Variants in CDH12 observed in about 807,000 individuals in gnomAD.
The protein encoded by CDH12 is cadherin 12.
CDH12 carries 41 observed loss-of-function variants against 74.1 expected under a neutral mutation model. The ratio of observed to expected loss-of-function variants is 0.55; its 90% CI spans 0.43 to 0.72. The LOEUF is 0.72. Among genes scored for constraint, CDH12 ranks in the 30% least tolerant of loss-of-function variants. The pLI, the probability that CDH12 is intolerant of heterozygous loss-of-function variation, is 0.00. For missense variants in CDH12, 945 were observed against 977.2 expected, an observed-to-expected ratio of 0.97 and a Z score of 0.44; for synonymous variants, 399 against 355.0, an observed-to-expected ratio of 1.12 and a Z score of -1.39.
At chr5:22,370,473 A>C (rs746873279) in intron 3 of CDH12, among the ~76,000 whole-genome samples, 6 of 152,200 alleles carry the variant, frequency 3.9e-5, no homozygotes, top group Non-Finnish European at 5.9e-5. Flanking sequence ...TATTTAAATC[A>C]TGTATATATT....
chr5:22,371,530 C>A (rs1164674764), intron 3 of CDH12, among the ~76,000 whole-genome samples: 1 of 152,078 alleles, frequency 6.6e-6, no homozygotes, highest in Non-Finnish European at 1.5e-5. Flanking sequence ...TACATTGGAT[C>A]CTCCAAGTAT....
At position 21,864,129 on chromosome 5, in the gene CDH12, A is replaced by ATGTGTGTG. The variant is rs56781565; in HGVS notation, c.527-9347_527-9340dup. Among the ~76,000 whole-genome samples, 419 of 149,796 alleles carry ATGTGTGTG rather than the reference A, an allele frequency of 2.8e-3. 2 individuals carry two copies. The highest frequency in any genetic ancestry group is 9.5e-3 in the African/African-American group (390 of 40,938). The stretch of plus-strand genomic sequence containing the variant: ...CAGAGAAATGTAAAACAGAAAGAAT[A>ATGTGTGTG]TGTGTGTGTGTGTGTGTGTGTGCAT... On this transcript the variant is annotated intron_variant, in intron 6 of 14. Coordinates refer to ENST00000382254, the MANE Select transcript of CDH12 (RefSeq NM_004061.5).
chr5:22,126,976 A>C (rs1745904821), intron 4 of CDH12, among the ~76,000 whole-genome samples: 1 of 152,236 alleles, frequency 6.6e-6, no homozygotes, highest in South Asian at 2.1e-4. Context: ...CCAAAGAATG[A>C]GGAAGCGAAC....
At chr5:22,663,888 T>C (rs1210566831) in intron 1 of CDH12, among the ~76,000 whole-genome samples, 1 of 152,094 alleles carries the variant, frequency 6.6e-6, no homozygotes, top group Admixed American at 6.5e-5. Context: ...AATTTTGACT[T>C]TTTTAACCAC....
At chr5:21,864,235 G>A (rs779389747) in intron 6 of CDH12, among the ~76,000 whole-genome samples, 2 of 151,910 alleles carry the variant, frequency 1.3e-5, no homozygotes, top group Non-Finnish European at 2.9e-5. Flanking sequence ...CAACTTGACT[G>A]AATTAAGGAA....
chr5:22,032,168 T>C (rs1422734014), intron 5 of CDH12, among the ~76,000 whole-genome samples: 3 of 152,000 alleles, frequency 2.0e-5, no homozygotes, highest in African/African-American at 7.2e-5. Context: ...CTGTCAACTA[T>C]GTGCTTATAA....
At chr5:22,373,718 C>T (rs1473414995) in intron 3 of CDH12, among the ~76,000 whole-genome samples, 1 of 152,204 alleles carries the variant, frequency 6.6e-6, no homozygotes, top group East Asian at 1.9e-4. Flanking sequence ...AGACCACACT[C>T]CTGCATGTAC....
intron 6 of CDH12, among the ~76,000 whole-genome samples, chr5:21,892,435 T>C (rs1413856369): frequency 6.6e-6 from 1 of 152,126 alleles, no homozygotes; most frequent in Non-Finnish European, 1.5e-5. Flanking sequence ...AAAAGTAAAG[T>C]ATTTCATTGT....
intron 1 of CDH12, among the ~76,000 whole-genome samples, chr5:22,718,532 C>T (rs542302706): frequency 5.4e-4 from 82 of 152,236 alleles, no homozygotes; most frequent in Admixed American, 5.3e-3. Flanking sequence ...ATTTCTGGGC[C>T]ACTGGGTAAG....
intron 13 of CDH12, among the ~76,000 whole-genome samples, chr5:21,759,111 C>T (rs538708854): frequency 6.6e-6 from 1 of 152,038 alleles, no homozygotes; most frequent in Non-Finnish European, 1.5e-5. Flanking sequence ...TTCAGTGCTG[C>T]ACCTGAATCT....
intron 1 of CDH12, among the ~76,000 whole-genome samples, chr5:22,807,983 T>C (rs1037608829): frequency 1.3e-5 from 2 of 152,228 alleles, no homozygotes; most frequent in Admixed American, 1.3e-4. Context: ...GTAATTGTGC[T>C]ATGACATCAC....
At chr5:22,297,824 T>C (rs1737697607) in intron 3 of CDH12, among the ~76,000 whole-genome samples, 1 of 152,154 alleles carries the variant, frequency 6.6e-6, no homozygotes, top group African/African-American at 2.4e-5. Context: ...GAACTCCATC[T>C]TTTATTCCAA....
chr5:21,880,566 T>TCCTTCCTTCCTTCCTTCCTTC (rs1561268064), intron 6 of CDH12, among the ~76,000 whole-genome samples: 1 of 14,072 alleles, frequency 7.1e-5, no homozygotes, highest in Non-Finnish European at 2.1e-4. Context: ...TTCCTTCCCT[T>TCCTTCCTTCCTTCCTTCCTTC]CTTTCTTTCC....
intron 3 of CDH12, among the ~76,000 whole-genome samples, chr5:22,277,634 A>AGGTTGCGTCAGGT (rs79895752): frequency 6.6e-6 from 1 of 152,014 alleles, no homozygotes; most frequent in African/African-American, 2.4e-5. Context: ...GGAGTTCCAG[A>AGGTTGCGTCAGGT]CCAGCCTGAC....
chr5:22,224,017 A>G (rs1752105118), intron 3 of CDH12, among the ~76,000 whole-genome samples: 1 of 152,032 alleles, frequency 6.6e-6, no homozygotes, highest in African/African-American at 2.4e-5. Context: ...GGATCCTGCC[A>G]ACAGCTACTC....
chr5:22,158,256 A>C (rs1748140972), intron 4 of CDH12, among the ~76,000 whole-genome samples: 2 of 152,060 alleles, frequency 1.3e-5, no homozygotes. Context: ...TATCTTGCAA[A>C]GTATTCTGAA....
chr5:22,122,468 A>G (rs1474266794), intron 4 of CDH12, among the ~76,000 whole-genome samples: 1 of 152,148 alleles, frequency 6.6e-6, no homozygotes, highest in Admixed American at 6.6e-5. Flanking sequence ...GCCCCACAAG[A>G]TCTTCCGAAG....
intron 3 of CDH12, among the ~76,000 whole-genome samples, chr5:22,346,307 C>T (rs1015309224): frequency 1.3e-5 from 2 of 152,036 alleles, no homozygotes; most frequent in African/African-American, 2.4e-5. Context: ...TTGAAAAATC[C>T]TATCATTCAT....
rs955051154 is a variant in CDH12, at chr5:21,854,775, T to C, written c.542A>G (p.Gln181Arg). Residue 181 changes from glutamine (Q) to arginine (R), a missense_variant, in exon 7 of 15, where the codon CAG (glutamine) becomes CGG (arginine). Around this residue, in one of 3 missense-constraint regions of CDH12, gnomAD observed 791 missense variants for 792.8 expected, o/e 1.00. Coordinates refer to ENST00000382254, the MANE Select transcript of CDH12 (RefSeq NM_004061.5). ...EMSPVGAYVL[Q>R]VKATDADDPT... ...GTCATCTGCATCTGTGGCCTTGACCTGGAGTACATATGCACCTGGAAAATA... is the reference window on the plus strand; with the variant it reads ...GTCATCTGCATCTGTGGCCTTGACCCGGAGTACATATGCACCTGGAAAATA... 1.2e-5 allele frequency: 19 copies of C among 1,609,540 alleles called. No homozygotes were observed. In the Admixed American group the frequency reaches 1.8e-4, roughly 16 times the overall value.
Sources: allele counts gnomAD v4.1 joint callset (sites outside exome capture counted in the v4.1 genomes callset), GRCh38; gene constraint gnomAD v4.1.1; regional missense constraint gnomAD v4.1.1; transcripts MANE v1.5; gene names NCBI Gene and HGNC (gene_info 2026-07-23, HGNC 2026-07-21).